The following SLC35F4 variants were observed in gnomAD, a reference collection of about 807,000 sequenced individuals.
SLC35F4 encodes the protein chromosome 14 open reading frame 36.
In SLC35F4, 24 loss-of-function variants were observed where a neutral mutation model predicts 44.2. That is an observed-to-expected ratio of 0.54 (90% CI 0.39 to 0.76). The LOEUF (loss-of-function observed/expected upper bound fraction) is 0.76, where lower values mean the gene tolerates loss of function less well. Ranked by LOEUF, SLC35F4 falls within the 30% of genes least tolerant of loss-of-function variation. The pLI is 0.00. For missense variants in SLC35F4, 562 were observed against 586.1 expected (o/e 0.96, Z 0.42); for synonymous variants, 238 against 223.6 (o/e 1.06, Z -0.57).
intron 1 of SLC35F4, among the ~76,000 whole-genome samples, chr14:57,853,314 C>A (rs1010012839): frequency 6.6e-6 from 1 of 152,132 alleles, no homozygotes; most frequent in Non-Finnish European, 1.5e-5. Flanking sequence ...TAAGGGCTCT[C>A]AGGGCCAGAA....
intron 1 of SLC35F4, among the ~76,000 whole-genome samples, chr14:57,650,087 T>G (rs2140196321): frequency 6.6e-6 from 1 of 152,278 alleles, no homozygotes; most frequent in East Asian, 1.9e-4. Flanking sequence ...TTTGCTTTTC[T>G]AACGTGACTT....
At chr14:57,735,262 G>C (rs1287786340) in intron 1 of SLC35F4, among the ~76,000 whole-genome samples, 2 of 152,124 alleles carry the variant, frequency 1.3e-5, no homozygotes, top group African/African-American at 4.8e-5. Flanking sequence ...TATTTTAAAA[G>C]CCTAAATATT....
At chr14:57,596,334 GTTC>G (rs2070484100) in intron 1 of SLC35F4, 2 of 174,702 alleles carry the variant, frequency 1.1e-5, no homozygotes, top group Middle Eastern at 2.6e-3. Flanking sequence ...AATACCCAGG[GTTC>G]TTATTTTACA....
At chr14:57,832,537 G>T (rs978477683) in intron 1 of SLC35F4, among the ~76,000 whole-genome samples, 1 of 152,098 alleles carries the variant, frequency 6.6e-6, no homozygotes, top group African/African-American at 2.4e-5. Context: ...TGAGATGATA[G>T]ACATGTTAAT....
intron 1 of SLC35F4, among the ~76,000 whole-genome samples, chr14:57,635,376 G>A (rs1408663367): frequency 2.0e-5 from 3 of 152,032 alleles, no homozygotes; most frequent in Non-Finnish European, 4.4e-5. Context: ...AGGGGTCGGA[G>A]GGAGACTAAG....
chr14:57,768,765 C>A (rs1267616879), intron 1 of SLC35F4, among the ~76,000 whole-genome samples: 1 of 148,412 alleles, frequency 6.7e-6, no homozygotes, highest in Non-Finnish European at 1.5e-5. Flanking sequence ...TTTTTTTCTT[C>A]TTTCTGAGAC....
chr14:57,900,813 T>G (rs1444180938), intron 1 of SLC35F4, among the ~76,000 whole-genome samples: 1 of 152,068 alleles, frequency 6.6e-6, no homozygotes, highest in Admixed American at 6.5e-5. Flanking sequence ...TACAAGGAAC[T>G]TAAACAAATT....
In SLC35F4 at chr14:57,880,397, A is replaced by G. The variant is rs114335989; in HGVS notation, n.282+101516T>C. 3.7e-3 allele frequency among the ~76,000 whole-genome samples: 556 copies of G among 152,276 alleles called. 3 individuals are homozygous for G. The highest frequency in any genetic ancestry group is 0.013 in the African/African-American group (534 of 41,550). On this transcript the variant is annotated intron_variant and non_coding_transcript_variant, in intron 1 of 1. Transcript: ENST00000556568. Reference sequence around the variant, plus strand: ...GGTCCCCTGGCTGTGTAAAGGAAGAATGTGCTACCTCAAGAAGGAGTAAAA... The same window carrying G: ...GGTCCCCTGGCTGTGTAAAGGAAGAGTGTGCTACCTCAAGAAGGAGTAAAA...
chr14:57,925,299 G>T (rs901207951), intron 1 of SLC35F4, among the ~76,000 whole-genome samples: 2 of 151,974 alleles, frequency 1.3e-5, no homozygotes, highest in East Asian at 3.9e-4. Flanking sequence ...ACTTCAGGTT[G>T]GTTTGTTGTT....
At chr14:57,617,127 A>ATTTTTTTT (rs1566688809) in intron 1 of SLC35F4, among the ~76,000 whole-genome samples, 7 of 64,082 alleles carry the variant, frequency 1.1e-4, no homozygotes, top group Non-Finnish European at 2.2e-4. Flanking sequence ...AACTGTACTT[A>ATTTTTTTT]TTCTTTTTTT....
intron 1 of SLC35F4, among the ~76,000 whole-genome samples, chr14:57,969,348 AG>A (rs1880982280): frequency 6.6e-6 from 1 of 152,254 alleles, no homozygotes; most frequent in African/African-American, 2.4e-5. Context: ...AATGATTCTA[AG>A]GTAAAGAAAA....
At chr14:57,792,591 T>G (rs1595076159) in intron 1 of SLC35F4, among the ~76,000 whole-genome samples, 1 of 152,140 alleles carries the variant, frequency 6.6e-6, no homozygotes, top group South Asian at 2.1e-4. Context: ...GGAATACTAC[T>G]CAGCCATAAA....
chr14:57,737,335 A>G (rs2076491965), intron 1 of SLC35F4, among the ~76,000 whole-genome samples: 1 of 152,106 alleles, frequency 6.6e-6, no homozygotes, highest in Non-Finnish European at 1.5e-5. Context: ...TCTACTCCCT[A>G]TTCCTCACCT....
intron 1 of SLC35F4, among the ~76,000 whole-genome samples, chr14:57,860,523 G>A (rs576652233): frequency 6.6e-6 from 1 of 152,108 alleles, no homozygotes; most frequent in East Asian, 1.9e-4. Flanking sequence ...TGTCCACCAA[G>A]AGGTGTCCCA....
chr14:57,901,713 C>T (rs2141045558), intron 1 of SLC35F4, among the ~76,000 whole-genome samples: 1 of 152,218 alleles, frequency 6.6e-6, no homozygotes, highest in African/African-American at 2.4e-5. Context: ...AAGAGAATGC[C>T]TAATAAATAA....
At chr14:57,972,966 C>T (rs745336798), downstream of SLC35F4, among the ~76,000 whole-genome samples, 18 of 152,184 alleles carry the variant, frequency 1.2e-4, no homozygotes, top group Non-Finnish European at 2.4e-4. Context: ...GATCTTAATG[C>T]TTTGCATATA....
chr14:57,596,900 C>G (rs2139948687), intron 1 of SLC35F4: 1 of 1,366,474 alleles, frequency 7.3e-7, no homozygotes, highest in South Asian at 1.1e-5. Context: ...TCATCCATGA[C>G]AGACATTTTA....
chr14:57,620,864 G>C (rs200527923), intron 1 of SLC35F4, among the ~76,000 whole-genome samples: 16 of 152,118 alleles, frequency 1.1e-4, no homozygotes, highest in Admixed American at 8.5e-4. Flanking sequence ...TAGGAAAAGA[G>C]GAAGTCAAAT....
At chr14:57,718,347 T>G (rs1299703758) in intron 1 of SLC35F4, among the ~76,000 whole-genome samples, 1 of 152,110 alleles carries the variant, frequency 6.6e-6, no homozygotes, top group Non-Finnish European at 1.5e-5. Context: ...TTCCTTTCTT[T>G]TGAGTATTTA....
Sources: gnomAD v4.1 joint callset for allele counts (sites outside exome capture counted in the v4.1 genomes callset) on GRCh38, gnomAD v4.1.1 for gene constraint, MANE v1.5 for transcripts, NCBI Gene and HGNC (gene_info 2026-07-23, HGNC 2026-07-21) for gene names.